The following ESRRG variants were observed in gnomAD, a reference collection of about 807,000 sequenced individuals.
The protein encoded by ESRRG is estrogen related receptor gamma, also known as estrogen-related receptor gamma.
Under a neutral mutation model 44.0 loss-of-function variants are expected in ESRRG, and 13 were observed. The ratio of observed to expected loss-of-function variants is 0.30; its 90% confidence interval spans 0.19 to 0.47. The LOEUF (loss-of-function observed/expected upper bound fraction) is 0.47. Ranked by LOEUF, ESRRG falls within the 20% of genes least tolerant of loss-of-function variation. The pLI, the probability that ESRRG is intolerant of heterozygous loss-of-function variation, is 1.00. For missense variants in ESRRG, 395 were observed against 580.6 expected (o/e 0.68, Z 3.29); for synonymous variants, 215 against 214.6 (o/e 1.00, Z -0.02).
Position 216,775,083 on chromosome 1 carries a change from A to G in ESRRG, c.-13-97592T>C, listed in dbSNP as rs531679614. On this transcript the variant is annotated intron_variant, in intron 2 of 7. Transcript: ENST00000359162. ...CTCGGCCACCCCAAGTGCTAGGATT[A>G]TAGGCGTGAGCCACCGTGCCCAGCC... Among the ~76,000 whole-genome samples, 90 of 152,152 alleles carry G rather than the reference A, an allele frequency of 5.9e-4. 1 individual carries two copies. In the South Asian group the frequency reaches 0.018, roughly 30 times the overall value.
At chr1:216,598,951 T>C (rs978676990) in intron 3 of ESRRG, among the ~76,000 whole-genome samples, 1 of 152,120 alleles carries the variant, frequency 6.6e-6, no homozygotes, top group Non-Finnish European at 1.5e-5. Context: ...TAGAAAGAAA[T>C]ATTAAATAAT....
intron 1 of ESRRG, among the ~76,000 whole-genome samples, chr1:217,024,353 A>G (rs1323368617): frequency 6.5e-5 from 9 of 138,220 alleles, no homozygotes; most frequent in South Asian, 2.2e-4. Context: ...GCAAGAGTCC[A>G]TTTAAAAAAA....
At chr1:216,542,528 C>A (rs2053203985) in intron 5 of ESRRG, among the ~76,000 whole-genome samples, 1 of 151,966 alleles carries the variant, frequency 6.6e-6, no homozygotes, top group Non-Finnish European at 1.5e-5. Flanking sequence ...AGATAGAAAG[C>A]TGCCATATGA....
intron 2 of ESRRG, among the ~76,000 whole-genome samples, chr1:216,731,385 T>C (rs1263564079): frequency 6.6e-6 from 1 of 152,184 alleles, no homozygotes. Context: ...AGGGAATTAA[T>C]CAGCAGAAAA....
At chr1:217,103,843 T>G (rs987941649) in intron 1 of ESRRG, among the ~76,000 whole-genome samples, 1 of 152,090 alleles carries the variant, frequency 6.6e-6, no homozygotes, top group Non-Finnish European at 1.5e-5. Flanking sequence ...TGTCAGCATA[T>G]TTTTTCTGTT....
At position 216,772,691 on chromosome 1, in the gene ESRRG, TTTTG is replaced by T. The variant is rs528160143; in HGVS notation, c.-13-95204_-13-95201del. Among the ~76,000 whole-genome samples, 211 of 152,112 alleles carry T rather than the reference TTTTG, an allele frequency of 1.4e-3. 3 individuals carry two copies. The highest frequency in any genetic ancestry group is 2.1e-3 in the Non-Finnish European group (143 of 67,978). ...TTAGAAAACAATGGCATAGTGAGTT[TTTTG>T]TTTGTTTGTTTGTTTGTTTGTTTTT... On this transcript the variant is annotated intron_variant, in intron 2 of 7. Transcript: ENST00000359162.
intron 2 of ESRRG, among the ~76,000 whole-genome samples, chr1:216,934,559 G>A (rs1187682446): frequency 3.9e-5 from 6 of 152,060 alleles, no homozygotes; most frequent in Admixed American, 2.6e-4. Flanking sequence ...CTTACATGGC[G>A]GCAGAAAAGC....
rs11572568 is a variant in ESRRG, at chr1:216,843,137, T to C, written c.-14+96445A>G. ...TCATGAATGGGAAATAAATGAGAGA[T>C]AGTCTTTTTTTTTTCTTAAATTTCC... On this transcript the variant is annotated intron_variant, in intron 2 of 7. Transcript: ENST00000359162. Among the ~76,000 whole-genome samples the C allele has an allele frequency of 4.0e-3, 603 of 149,206 alleles. 11 individuals carry two copies. Among genetic ancestry groups the C allele is most frequent in the East Asian group, 0.028 (142 of 4,990 alleles).
chr1:216,588,276 C>G (rs2057024145), intron 3 of ESRRG, among the ~76,000 whole-genome samples: 1 of 152,110 alleles, frequency 6.6e-6, no homozygotes, highest in Non-Finnish European at 1.5e-5. Flanking sequence ...AATTATATTG[C>G]TATTATGTCT....
intron 3 of ESRRG, among the ~76,000 whole-genome samples, chr1:216,591,474 C>A (rs540995225): frequency 6.6e-6 from 1 of 152,148 alleles, no homozygotes; most frequent in Non-Finnish European, 1.5e-5. Flanking sequence ...TACTGGATAC[C>A]CAGTTGGTGC....
chr1:216,623,077 C>CTTTTTTTTT (rs370657704), intron 3 of ESRRG, among the ~76,000 whole-genome samples: 21 of 88,686 alleles, frequency 2.4e-4, no homozygotes, highest in African/African-American at 5.4e-4. Context: ...AATCATTAAA[C>CTTTTTTTTT]TTTTTTTTTT....
chr1:216,634,431 A>G (rs2064878987), intron 3 of ESRRG, among the ~76,000 whole-genome samples: 1 of 151,970 alleles, frequency 6.6e-6, no homozygotes, highest in African/African-American at 2.4e-5. Context: ...ATTCACCACT[A>G]TGAGAGAATT....
chr1:216,507,172 T>A lies in ESRRG; in HGVS notation c.1144A>T (p.Ile382Leu), dbSNP rs1215799375. The A allele has an allele frequency of 6.2e-7, 1 of 1,610,932 alleles. No individual in the cohort carries two copies. The highest frequency in any genetic ancestry group is 1.1e-5 in the South Asian group (1 of 90,782). ...IALANSDSMH[I>L]EDVEAVQKLQ... Reference sequence around the variant, plus strand: ...TTCTGAACGGCTTCAACATCTTCTATGTGCATGGAGTCTGTGCAATGAAGC... The same window carrying A: ...TTCTGAACGGCTTCAACATCTTCTAAGTGCATGGAGTCTGTGCAATGAAGC... Residue 382 changes from isoleucine (I) to leucine (L), a missense_variant, in exon 7 of 7, where the codon ATA (isoleucine) becomes TTA (leucine). By Grantham distance (5) the Ile-to-Leu change is conservative. Around this residue, in one of 5 missense-constraint regions of ESRRG, gnomAD observed 167 missense variants for 251.8 expected, o/e 0.66. Coordinates refer to ENST00000408911, the MANE Select transcript of ESRRG (RefSeq NM_001438.4).
At chr1:216,956,263 A>G (rs1471446656) in intron 1 of ESRRG, among the ~76,000 whole-genome samples, 1 of 152,088 alleles carries the variant, frequency 6.6e-6, no homozygotes, top group Non-Finnish European at 1.5e-5. Context: ...GCATATAGAT[A>G]TCCACTTTCC....
rs550460203 is a variant in ESRRG, at chr1:217,107,487, T to C, written c.-230+30180A>G. On this transcript the variant is annotated intron_variant, in intron 1 of 8. Coordinates refer to the ESRRG transcript ENST00000366940. ...AAGCTAAAACTTATATATTGCACTT[T>C]TTCCCCCCTGGGGTTAGTTTGTGAA... 3.1e-4 allele frequency among the ~76,000 whole-genome samples: 48 copies of C among 152,382 alleles called. 1 individual carries two copies. The highest frequency in any genetic ancestry group is 1.1e-3 in the African/African-American group (46 of 41,592).
intron 1 of ESRRG, among the ~76,000 whole-genome samples, chr1:217,060,365 T>C (rs1364343034): frequency 6.6e-6 from 1 of 152,102 alleles, no homozygotes; most frequent in Non-Finnish European, 1.5e-5. Flanking sequence ...TTCACAAATA[T>C]CTTTGCAAAG....
chr1:217,005,427 G>A (rs1251950722), intron 1 of ESRRG, among the ~76,000 whole-genome samples: 1 of 152,094 alleles, frequency 6.6e-6, no homozygotes, highest in East Asian at 1.9e-4. Flanking sequence ...AGCTCAATAA[G>A]CCAAATCAAT....
At chr1:217,078,703 T>A (rs1446108359) in intron 1 of ESRRG, among the ~76,000 whole-genome samples, 1 of 152,218 alleles carries the variant, frequency 6.6e-6, no homozygotes, top group Admixed American at 6.5e-5. Context: ...TAACAGAAGC[T>A]TTAAAATGAA....
intron 2 of ESRRG, among the ~76,000 whole-genome samples, chr1:216,768,260 T>C (rs531116501): frequency 1.0e-3 from 155 of 152,236 alleles, no homozygotes; most frequent in African/African-American, 3.5e-3. Context: ...AAAACACTCA[T>C]ACACCATTGA....
Sources: allele counts gnomAD v4.1 joint callset (sites outside exome capture counted in the v4.1 genomes callset), GRCh38; gene constraint gnomAD v4.1.1; regional missense constraint gnomAD v4.1.1; transcripts MANE v1.5; gene names NCBI Gene and HGNC (gene_info 2026-07-23, HGNC 2026-07-21).